The following DEFB110 variants were observed in gnomAD, a reference collection of about 807,000 sequenced individuals.
DEFB110 encodes defensin beta 110.
DEFB110 carries 4 observed loss-of-function variants against 2.5 expected under a neutral mutation model. That is an observed-to-expected ratio of 1.60 (90% CI 0.79 to 3.66). DEFB110 has a LOEUF of 3.66. Among genes scored for constraint, DEFB110 ranks in the 30% most tolerant of loss-of-function variants. The pLI, the probability that DEFB110 is intolerant of heterozygous loss-of-function variation, is 0.01. For missense variants in DEFB110, 94 were observed against 75.4 expected (o/e 1.25, Z -0.91); for synonymous variants, 29 against 21.8 (o/e 1.33, Z -0.92).
Position 50,018,955 on chromosome 6 carries a change from T to C in DEFB110, c.*22A>G, listed in dbSNP as rs367709478. 2.6e-5 allele frequency: 41 copies of C among 1,600,916 alleles called. No individual in the cohort carries two copies. The African/African-American group carries it at 4.3e-4, about 17-fold the overall frequency. ...CGCTGGTCTCTCTTCTTGGAGCTTGTGACTCTTTTCTTCTGTCATCGTTAC... is the reference window on the plus strand; with the variant it reads ...CGCTGGTCTCTCTTCTTGGAGCTTGCGACTCTTTTCTTCTGTCATCGTTAC... On this transcript the variant is annotated 3_prime_UTR_variant, in exon 2 of 2. Transcript: ENST00000371148.
At position 50,021,965 on chromosome 6, in the gene DEFB110, A is replaced by C; in HGVS notation, c.-30T>G. 1 of 1,515,286 alleles carries C rather than the reference A, an allele frequency of 6.6e-7. No homozygotes were observed. Among genetic ancestry groups the C allele is most frequent in the South Asian group, 1.3e-5 (1 of 76,600 alleles). 93.9% of individuals were successfully genotyped at this position (1,515,286 alleles called of 1,614,324 possible). ...GAGAGTTTCTTAAAAAAAGGGGGCAACAGACCTCCTTTTTCAAGTCAGTTG... is the reference window on the plus strand; with the variant it reads ...GAGAGTTTCTTAAAAAAAGGGGGCACCAGACCTCCTTTTTCAAGTCAGTTG... On this transcript the variant is annotated 5_prime_UTR_variant, in exon 1 of 2. Transcript: ENST00000371148.
chr6:50,021,783 G>GT (rs1774421857), intron 1 of DEFB110, 98 bp downstream of exon 1: 1 of 1,151,872 alleles, frequency 8.7e-7, no homozygotes, highest in African/African-American at 1.6e-5. Context: ...GTGAAATGAT[G>GT]TTTTAATCCC....
At chr6:50,013,498 T>C (rs1045116485) in intron 1 of DEFB110, among the ~76,000 whole-genome samples, 57 of 151,806 alleles carry the variant, frequency 3.8e-4, no homozygotes, top group African/African-American at 1.4e-3. Context: ...AATATTATCA[T>C]GAATGGAGTG....
chr6:50,010,338 AT>A (rs1774207031), intron 1 of DEFB110, among the ~76,000 whole-genome samples: 1 of 151,864 alleles, frequency 6.6e-6, no homozygotes, highest in African/African-American at 2.4e-5. Flanking sequence ...ATTTAGAAAA[AT>A]GTTTCATTTC....
downstream of DEFB110, among the ~76,000 whole-genome samples, chr6:50,014,392 G>A (rs1331904214): frequency 6.6e-6 from 1 of 151,610 alleles, no homozygotes; most frequent in African/African-American, 2.4e-5. Context: ...ATTAGAAAGT[G>A]GCTTGAAGAA....
chr6:50,019,581 T>C (rs547370975), intron 1 of DEFB110, among the ~76,000 whole-genome samples: 1 of 152,212 alleles, frequency 6.6e-6, no homozygotes, highest in South Asian at 2.1e-4. Context: ...GCAACGCTAG[T>C]GAATTTGTCT....
intron 1 of DEFB110, among the ~76,000 whole-genome samples, chr6:50,012,817 A>G (rs990775822): frequency 1.3e-5 from 2 of 151,888 alleles, no homozygotes; most frequent in South Asian, 2.1e-4. Flanking sequence ...GTGGGGACAA[A>G]GATAAATAAA....
chr6:50,010,717 A>C (rs1249863714), intron 1 of DEFB110, among the ~76,000 whole-genome samples: 4 of 151,622 alleles, frequency 2.6e-5, no homozygotes, highest in African/African-American at 4.8e-5. Context: ...CATTTCAGAG[A>C]CATGTTTGAT....
chr6:50,010,222 C>G (rs1441170954), intron 1 of DEFB110, among the ~76,000 whole-genome samples: 1 of 151,670 alleles, frequency 6.6e-6, no homozygotes, highest in Admixed American at 6.6e-5. Flanking sequence ...AAAAATGAGG[C>G]AAAATAATTT....
intron 1 of DEFB110, among the ~76,000 whole-genome samples, chr6:50,021,005 T>C (rs1001073302): frequency 6.6e-6 from 1 of 152,136 alleles, no homozygotes; most frequent in Non-Finnish European, 1.5e-5. Flanking sequence ...TTCTTTGTCT[T>C]ATTTCACCTT....
intron 1 of DEFB110, among the ~76,000 whole-genome samples, chr6:50,019,635 AG>A (rs1774384277): frequency 6.6e-6 from 1 of 152,104 alleles, no homozygotes; most frequent in South Asian, 2.1e-4. Context: ...TATTTCCCAA[AG>A]AAATCATCTA....
chr6:50,016,332 G>C (rs1349536812), downstream of DEFB110, among the ~76,000 whole-genome samples: 2 of 151,722 alleles, frequency 1.3e-5, no homozygotes, highest in African/African-American at 2.4e-5. Flanking sequence ...ATTTTTATCA[G>C]AGTCACTGCT....
At position 50,021,872 on chromosome 6, in the gene DEFB110, G is replaced by A. The variant is rs1354255107; in HGVS notation, c.55+9C>T. ...TTAGTATAAATCCCCACAAATATTT[G>A]CATATTACCTGGTAAAATTGTGACC... On this transcript the variant is annotated intron_variant, in intron 1 of 1. Coordinates refer to ENST00000371148, the MANE Select transcript of DEFB110 (RefSeq NM_001037497.2). 1 of 1,555,182 alleles carries A rather than the reference G, an allele frequency of 6.4e-7. No individual in the cohort carries two copies. The highest frequency in any genetic ancestry group is 2.2e-5 in the Admixed American group (1 of 45,938).
In DEFB110 at chr6:50,019,139, A is replaced by T. The variant is rs997846530; in HGVS notation, c.56-14T>A. 2 of 1,609,052 alleles carry T rather than the reference A, an allele frequency of 1.2e-6. No individual in the cohort carries two copies. The highest frequency in any genetic ancestry group is 2.7e-5 in the African/African-American group (2 of 74,654). On this transcript the variant is annotated splice_polypyrimidine_tract_variant and intron_variant, in intron 1 of 1. Transcript: ENST00000371148. Reference sequence around the variant, plus strand: ...ATTTCTTTTTGGCTGTAAGAAGGGAAGAATGACTAAAATTAGCCATCTAGC... The same window carrying T: ...ATTTCTTTTTGGCTGTAAGAAGGGATGAATGACTAAAATTAGCCATCTAGC...
At chr6:50,016,834 T>G (rs1275070154), downstream of DEFB110, among the ~76,000 whole-genome samples, 1 of 151,834 alleles carries the variant, frequency 6.6e-6, no homozygotes, top group Non-Finnish European at 1.5e-5. Flanking sequence ...TTAAATGTAT[T>G]GAACACAAGT....
downstream of DEFB110, among the ~76,000 whole-genome samples, chr6:50,016,814 G>A (rs1213125271): frequency 6.6e-6 from 1 of 151,866 alleles, no homozygotes; most frequent in Middle Eastern, 3.4e-3. Context: ...TGAAGGCAGA[G>A]GCTGGTGGCT....
At chr6:50,017,819 A>G (rs751381057), downstream of DEFB110, among the ~76,000 whole-genome samples, 1 of 151,906 alleles carries the variant, frequency 6.6e-6, no homozygotes, top group African/African-American at 2.4e-5. Context: ...AGGCCATAAT[A>G]AAAATATCAA....
At position 50,021,979 on chromosome 6, in the gene DEFB110, T is replaced by C. The variant is rs780736635; in HGVS notation, c.-44A>G. ...AAAAGGGGGCAACAGACCTCCTTTT[T>C]CAAGTCAGTTGTTTTGAAATAAGGA... On this transcript the variant is annotated 5_prime_UTR_variant, in exon 1 of 2. Coordinates refer to ENST00000371148, the MANE Select transcript of DEFB110 (RefSeq NM_001037497.2). The C allele has an allele frequency of 6.8e-7, 1 of 1,478,598 alleles. No individual in the cohort carries two copies. Among genetic ancestry groups the C allele is most frequent in the Non-Finnish European group, 9.0e-7 (1 of 1,106,126 alleles). 91.6% of individuals were successfully genotyped at this position (1,478,598 alleles called of 1,614,324 possible).
downstream of DEFB110, chr6:50,018,829 C>T (rs1774363099): frequency 2.2e-6 from 3 of 1,351,676 alleles, no homozygotes; most frequent in Admixed American, 1.1e-4. Context: ...ATGAGCGTGA[C>T]ATATGATCAC....
Sources: gnomAD v4.1 joint callset for allele counts (sites outside exome capture counted in the v4.1 genomes callset) on GRCh38, gnomAD v4.1.1 for gene constraint, MANE v1.5 for transcripts, NCBI Gene and HGNC (gene_info 2026-07-23, HGNC 2026-07-21) for gene names.